The following RP1 variants were observed in gnomAD, a reference collection of about 807,000 sequenced individuals.
RP1 encodes RP1 axonemal microtubule associated, also known as oxygen-regulated protein 1.
RP1 carries 16 observed loss-of-function variants against 14.8 expected under a neutral mutation model. The ratio of observed to expected loss-of-function variants is 1.08; its 90% CI spans 0.73 to 1.65. The LOEUF is 1.65. RP1 is among the 40% of genes most tolerant of loss of function. The pLI is 0.00. For missense variants in RP1, 2,631 were observed against 2,535.0 expected (o/e 1.04, Z -0.81); for synonymous variants, 876 against 883.6 (o/e 0.99, Z 0.15).
At chr8:54,780,968 G>A in intron 23 of RP1, 1 of 983,526 alleles carries the variant, frequency 1.0e-6, no homozygotes, top group Non-Finnish European at 1.2e-6. Flanking sequence ...TTACTTCATT[G>A]TTGAGAAGAA....
At chr8:54,686,936 C>T (rs908750822) in intron 12 of RP1, among the ~76,000 whole-genome samples, 7 of 152,060 alleles carry the variant, frequency 4.6e-5, no homozygotes, top group Non-Finnish European at 1.0e-4. Context: ...TATTACACAA[C>T]TGGAAGTTTT....
At chr8:54,829,625 A>G (rs546143579) in intron 24 of RP1, among the ~76,000 whole-genome samples, 9 of 151,970 alleles carry the variant, frequency 5.9e-5, no homozygotes, top group Non-Finnish European at 1.5e-5. Context: ...CAGGATAGGT[A>G]TTTGACACCA....
intron 24 of RP1, among the ~76,000 whole-genome samples, chr8:54,823,611 T>C (rs1304761979): frequency 6.6e-6 from 1 of 152,222 alleles, no homozygotes; most frequent in African/African-American, 2.4e-5. Flanking sequence ...ATTACAGACA[T>C]GAGCCACCAT....
intron 7 of RP1, among the ~76,000 whole-genome samples, chr8:54,670,141 T>C (rs910734031): frequency 2.0e-5 from 3 of 152,140 alleles, no homozygotes; most frequent in East Asian, 1.9e-4. Flanking sequence ...TCCACCATGA[T>C]TGGAAAAGAT....
chr8:54,786,177 G>A (rs769751974), intron 24 of RP1, among the ~76,000 whole-genome samples: 1 of 151,994 alleles, frequency 6.6e-6, no homozygotes. Flanking sequence ...TTCTTGTAGG[G>A]CAGGTCTGCT....
chr8:54,617,276 C>T (rs868471387), intron 1 of RP1, among the ~76,000 whole-genome samples: 2 of 152,308 alleles, frequency 1.3e-5, no homozygotes, highest in South Asian at 4.1e-4. Context: ...TTATGCTGCT[C>T]AGTTTGTTCG....
chr8:54,747,828 A>G (rs994933148), intron 19 of RP1, among the ~76,000 whole-genome samples: 1 of 152,320 alleles, frequency 6.6e-6, no homozygotes, highest in South Asian at 2.1e-4. Flanking sequence ...ACCCTGTTTC[A>G]TATATATAGC....
chr8:54,855,578 A>G (rs1812174743), intron 26 of RP1, among the ~76,000 whole-genome samples: 1 of 152,246 alleles, frequency 6.6e-6, no homozygotes, highest in South Asian at 2.1e-4. Context: ...GTGGGAGAAG[A>G]TATTGTAAAA....
At chr8:54,602,946 T>C (rs13253549) in intron 1 of RP1, among the ~76,000 whole-genome samples, 69,333 of 151,964 alleles carry the variant, frequency 0.46, 17,563 homozygotes, top group African/African-American at 0.66. Flanking sequence ...AGCCCTTTGT[T>C]AGATGAGTAG....
intron 19 of RP1, among the ~76,000 whole-genome samples, chr8:54,745,395 G>A (rs1466616456): frequency 6.6e-6 from 1 of 152,138 alleles, no homozygotes; most frequent in Non-Finnish European, 1.5e-5. Flanking sequence ...ACCACCATAT[G>A]TCTGTTCCAG....
At chr8:54,587,068 AC>A (rs1196490424) in intron 1 of RP1, among the ~76,000 whole-genome samples, 1 of 151,992 alleles carries the variant, frequency 6.6e-6, no homozygotes, top group Non-Finnish European at 1.5e-5. Context: ...TGCAGAAATC[AC>A]CCATCTTCTG....
At position 54,807,632 on chromosome 8, in the gene RP1, GTCTATCTATCTATCTATCTA is replaced by G. The variant is rs145286591; in HGVS notation, c.3615+23948_3615+23967del. Reference sequence around the variant, plus strand: ...TGCATCTCTATCTACCTGTCTGTCTGTCTATCTATCTATCTATCTATCTATCTATCTATCTATCTATCTAT... The same window carrying G: ...TGCATCTCTATCTACCTGTCTGTCTGTCTATCTATCTATCTATCTATCTAT... On this transcript the variant is annotated intron_variant, in intron 24 of 28. Transcript: ENST00000637698. 3.2e-5 allele frequency among the ~76,000 whole-genome samples: 4 copies of G among 125,052 alleles called. No individual in the cohort carries two copies. In the South Asian group the frequency reaches 8.1e-4, roughly 25 times the overall value. 82.0% of individuals were successfully genotyped at this position (125,052 alleles called of 152,430 possible).
intron 1 of RP1, among the ~76,000 whole-genome samples, chr8:54,570,299 G>A (rs1804493042): frequency 6.6e-6 from 1 of 151,254 alleles, no homozygotes; most frequent in Admixed American, 6.6e-5. Flanking sequence ...CTGAATGGGT[G>A]TTCAGTATTC....
intron 12 of RP1, among the ~76,000 whole-genome samples, chr8:54,696,129 T>A (rs1807855372): frequency 6.6e-6 from 1 of 152,166 alleles, no homozygotes; most frequent in African/African-American, 2.4e-5. Context: ...TTAACTGGAA[T>A]AGAATTATAA....
intron 24 of RP1, among the ~76,000 whole-genome samples, chr8:54,798,405 T>C (rs765203337): frequency 6.6e-6 from 1 of 152,152 alleles, no homozygotes; most frequent in Non-Finnish European, 1.5e-5. Flanking sequence ...GAGCGATAGA[T>C]TAGAAAGTCT....
At chr8:54,850,042 G>A (rs1812022882) in intron 25 of RP1, among the ~76,000 whole-genome samples, 1 of 152,188 alleles carries the variant, frequency 6.6e-6, no homozygotes, top group Non-Finnish European at 1.5e-5. Context: ...CCTGAAGTTA[G>A]TTGCTAATTG....
intron 25 of RP1, among the ~76,000 whole-genome samples, chr8:54,852,176 A>T (rs1812073279): frequency 6.6e-6 from 1 of 152,174 alleles, no homozygotes; most frequent in African/African-American, 2.4e-5. Context: ...ATCTCCAAGA[A>T]GTAGCAGCAT....
chr8:54,764,712 A>G (rs1046443119), intron 22 of RP1, among the ~76,000 whole-genome samples: 5 of 152,234 alleles, frequency 3.3e-5, no homozygotes, highest in African/African-American at 1.2e-4. Context: ...AAATGCATGC[A>G]TTAATCAAGA....
At chr8:54,694,510 C>T (rs1416065426) in intron 12 of RP1, among the ~76,000 whole-genome samples, 2 of 152,116 alleles carry the variant, frequency 1.3e-5, no homozygotes, top group African/African-American at 4.8e-5. Flanking sequence ...TGTTATTGGT[C>T]TATTCAGAGA....
Sources: allele counts gnomAD v4.1 joint callset (sites outside exome capture counted in the v4.1 genomes callset), GRCh38; gene constraint gnomAD v4.1.1; transcripts MANE v1.5; gene names NCBI Gene and HGNC (gene_info 2026-07-23, HGNC 2026-07-21).